SSTR2: variants seen among roughly 807,000 people sequenced by gnomAD.
SSTR2 encodes somatostatin receptor 2, also known as somatostatin receptor type 2.
A neutral mutation model predicts 21.4 loss-of-function variants in SSTR2; 10 were observed. The observed-to-expected ratio is 0.47, with a 90% CI of 0.29 to 0.79. The LOEUF (loss-of-function observed/expected upper bound fraction) is 0.79, where lower values mean the gene tolerates loss of function less well. SSTR2 is among the 30% of genes least tolerant of loss of function. SSTR2 has a pLI of 0.10. For missense variants in SSTR2, 364 were observed against 468.8 expected (o/e 0.78, Z 2.06); for synonymous variants, 177 against 181.3 (o/e 0.98, Z 0.19).
Position 73,170,510 on chromosome 17 carries a change from C to T in SSTR2, c.*81C>T. ...CCCTACCCACACTGGCTTCCTGCCTCCCACCCCTCACACCTGGCTTCTAGA... is the reference window on the plus strand; with the variant it reads ...CCCTACCCACACTGGCTTCCTGCCTTCCACCCCTCACACCTGGCTTCTAGA... On this transcript the variant is annotated 3_prime_UTR_variant, in exon 2 of 2. Transcript: ENST00000357585. 1 of 1,538,878 alleles carries T rather than the reference C, an allele frequency of 6.5e-7. No individual in the cohort carries two copies. Among genetic ancestry groups the T allele is most frequent in the Non-Finnish European group, 8.9e-7 (1 of 1,127,924 alleles).
At chr17:73,167,326 G>A (rs2061219589) in intron 1 of SSTR2, among the ~76,000 whole-genome samples, 1 of 152,204 alleles carries the variant, frequency 6.6e-6, no homozygotes, top group Admixed American at 6.5e-5. Context: ...TTGTGTGGTA[G>A]GGAAATGAGC....
In SSTR2 at chr17:73,166,545, T is replaced by C. The variant is rs2061217134; in HGVS notation, c.-93+1257T>C. 2.0e-5 allele frequency among the ~76,000 whole-genome samples: 3 copies of C among 152,260 alleles called. No homozygotes were observed. In the South Asian group the frequency reaches 6.2e-4, roughly 32 times the overall value. The stretch of plus-strand genomic sequence containing the variant: ...CCAACCACTAGCCATTTCCAGCATC[T>C]AACAATTCTTGGGCTGGAAAAACAA... On this transcript the variant is annotated intron_variant, in intron 1 of 1. Transcript: ENST00000357585.
At chr17:73,165,917 G>T (rs1229440951) in intron 1 of SSTR2, among the ~76,000 whole-genome samples, 2 of 148,536 alleles carry the variant, frequency 1.3e-5, no homozygotes, top group African/African-American at 5.0e-5. Flanking sequence ...ACTGTCTTCT[G>T]CGCCCCGATG....
At position 73,170,099 on chromosome 17, in the gene SSTR2, C is replaced by T. The variant is rs767667270; in HGVS notation, c.780C>T (p.Ile260=). 1.4e-5 allele frequency: 23 copies of T among 1,614,048 alleles called. No individual in the cohort carries two copies. In the East Asian group the frequency reaches 3.8e-4, roughly 27 times the overall value. Residue 260 remains isoleucine, a synonymous_variant, in exon 2 of 2, where the codon ATC becomes ATT. Transcript: ENST00000357585. The part of the protein sequence containing the change: ...SEKKVTRMVS[I]VVAVFIFCWL... ...AGAAGGTCACCCGAATGGTGTCCAT[C>T]GTGGTGGCTGTCTTCATCTTCTGCT... is the stretch of plus-strand genomic sequence containing the variant.
rs1427252790 is a variant in SSTR2 at position 73,175,082 on chromosome 17, A to G, written c.*4653A>G. ...GGAAGATCTGATTAGTGTTTCCAAA[A>G]TGCTTATCATTCTAAGAATCCCAAT... On this transcript the variant is annotated 3_prime_UTR_variant, in exon 2 of 2. Transcript: ENST00000357585. 1 of 152,214 alleles carries G rather than the reference A, an allele frequency of 6.6e-6. No individual in the cohort carries two copies. 9.4% of individuals were successfully genotyped at this position (152,214 alleles called of 1,614,324 possible). A position where few individuals can be genotyped will look rare whatever the true frequency, so the allele number is the denominator to read the frequency against.
In SSTR2 at chr17:73,170,680, G is replaced by A; in HGVS notation, c.*251G>A. 2 of 670,732 alleles carry A rather than the reference G, an allele frequency of 3.0e-6. No individual in the cohort carries two copies. Among genetic ancestry groups the A allele is most frequent in the Non-Finnish European group, 5.6e-6 (2 of 357,136 alleles). The allele number at this position is 670,732 out of a possible 1,614,324, so 41.5% of individuals were successfully genotyped here. Reference sequence around the variant, plus strand: ...TAGACAATTCAAAGTCTGGAGAAGAGGGATCATGCCTGGATATGATCTTTA... The same window carrying A: ...TAGACAATTCAAAGTCTGGAGAAGAAGGATCATGCCTGGATATGATCTTTA... On this transcript the variant is annotated 3_prime_UTR_variant, in exon 2 of 2. Transcript: ENST00000357585.
chr17:73,167,726 G>C (rs916240915), intron 1 of SSTR2, among the ~76,000 whole-genome samples: 1 of 152,046 alleles, frequency 6.6e-6, no homozygotes, highest in African/African-American at 2.4e-5. Context: ...CTCGTGCAAT[G>C]CCCACCCTAT....
Position 73,170,791 on chromosome 17 carries a change from C to T in SSTR2, c.*362C>T, listed in dbSNP as rs2061232731. 1 of 478,734 alleles carries T rather than the reference C, an allele frequency of 2.1e-6. No individual in the cohort carries two copies. The highest frequency in any genetic ancestry group is 1.6e-5 in the South Asian group (1 of 63,860). The allele number at this position is 478,734 out of a possible 1,614,324, so 29.7% of individuals were successfully genotyped here. Reference sequence around the variant, plus strand: ...GTAATCTTGTGTTTTTATATGTATACTTGTATATTCCTATTTATTCTCTGT... The same window carrying T: ...GTAATCTTGTGTTTTTATATGTATATTTGTATATTCCTATTTATTCTCTGT... On this transcript the variant is annotated 3_prime_UTR_variant, in exon 2 of 2. Coordinates refer to ENST00000357585, the MANE Select transcript of SSTR2 (RefSeq NM_001050.3).
chr17:73,165,461 T>C (rs2061213023), intron 1 of SSTR2, among the ~76,000 whole-genome samples, 173 bp downstream of exon 1: 1 of 151,914 alleles, frequency 6.6e-6, no homozygotes, highest in Non-Finnish European at 1.5e-5. Flanking sequence ...CTTGTGCCTT[T>C]TGGGGTGATT....
chr17:73,165,946 C>G, intron 1 of SSTR2, among the ~76,000 whole-genome samples: 1 of 151,424 alleles, frequency 6.6e-6, no homozygotes, highest in East Asian at 1.9e-4. Context: ...CTCAGCGCCC[C>G]CCCCCCACAC....
chr17:73,170,889 T>C lies in SSTR2; in HGVS notation c.*460T>C, dbSNP rs1017767942. 1 of 380,650 alleles carries C rather than the reference T, an allele frequency of 2.6e-6. No homozygotes were observed. Among genetic ancestry groups the C allele is most frequent in the Non-Finnish European group, 5.4e-6 (1 of 186,636 alleles). 23.6% of individuals were successfully genotyped at this position (380,650 alleles called of 1,614,324 possible). On this transcript the variant is annotated 3_prime_UTR_variant, in exon 2 of 2. Coordinates refer to ENST00000357585, the MANE Select transcript of SSTR2 (RefSeq NM_001050.3). ...CGAGTATGCATAGTGTAGATGGACA[T>C]TTGCCACAACACACTGCCCGCAGAA...
rs777532188 is a variant in SSTR2, at chr17:73,170,208, G to C, written c.889G>C (p.Val297Leu). The change falls in exon 2 of 2, where the codon GTG becomes CTG. Residue 297 changes from valine to leucine, a missense_variant. Coordinates refer to ENST00000357585, the MANE Select transcript of SSTR2 (RefSeq NM_001050.3). ...TPALKGMFDF[V>L]VVLTYANSCA... ...AGCCCTTAAAGGCATGTTTGACTTT[G>C]TGGTGGTCCTCACCTATGCTAACAG... 1 of 1,614,140 alleles carries C rather than the reference G, an allele frequency of 6.2e-7. No homozygotes were observed. Among genetic ancestry groups the C allele is most frequent in the Admixed American group, 1.7e-5 (1 of 60,020 alleles).
At position 73,170,480 on chromosome 17, in the gene SSTR2, G is replaced by A; in HGVS notation, c.*51G>A. The A allele has an allele frequency of 6.3e-7, 1 of 1,589,610 alleles. No individual in the cohort carries two copies. Reference sequence around the variant, plus strand: ...AAGCCATGCTCTGTCTACTGGCAATGGGCTCCCTACCCACACTGGCTTCCT... The same window carrying A: ...AAGCCATGCTCTGTCTACTGGCAATAGGCTCCCTACCCACACTGGCTTCCT... On this transcript the variant is annotated 3_prime_UTR_variant, in exon 2 of 2. Coordinates refer to ENST00000357585, the MANE Select transcript of SSTR2 (RefSeq NM_001050.3).
In SSTR2 at chr17:73,170,831, C is replaced by T. The variant is rs1054598679; in HGVS notation, c.*402C>T. The T allele has an allele frequency of 1.6e-5, 7 of 426,424 alleles. No individual in the cohort carries two copies. The highest frequency in any genetic ancestry group is 4.1e-5 in the African/African-American group (2 of 48,438). The allele number at this position is 426,424 out of a possible 1,614,324, so 26.4% of individuals were successfully genotyped here. A position where few individuals can be genotyped will look rare whatever the true frequency, so the allele number is the denominator to read the frequency against. On this transcript the variant is annotated 3_prime_UTR_variant, in exon 2 of 2. Coordinates refer to ENST00000357585, the MANE Select transcript of SSTR2 (RefSeq NM_001050.3). The stretch of plus-strand genomic sequence containing the variant: ...TTATTCTCTGTATAGGCATTACCTA[C>T]GTTCCTGTGTTTACATACACAAGTA...
chr17:73,166,080 T>C (rs563297957), intron 1 of SSTR2, among the ~76,000 whole-genome samples: 1 of 152,252 alleles, frequency 6.6e-6, no homozygotes, highest in South Asian at 2.1e-4. Context: ...ATCAGCGAGT[T>C]GGATGGCCAG....
At chr17:73,167,201 G>C (rs2061219251) in intron 1 of SSTR2, among the ~76,000 whole-genome samples, 1 of 152,198 alleles carries the variant, frequency 6.6e-6, no homozygotes, top group African/African-American at 2.4e-5. Flanking sequence ...TACAGCTTCT[G>C]TTTTAATTGC....
chr17:73,170,549 C>A lies in SSTR2; in HGVS notation c.*120C>A. ...CTGGCTTCTAGAATAGAGGATTGCT[C>A]AGCATGAGTCCAATTCAGAGAACGG... On this transcript the variant is annotated 3_prime_UTR_variant, in exon 2 of 2. Transcript: ENST00000357585. The A allele has an allele frequency of 1.6e-6, 2 of 1,263,526 alleles. No individual in the cohort carries two copies. Among genetic ancestry groups the A allele is most frequent in the Non-Finnish European group, 1.1e-6 (1 of 882,998 alleles). 78.3% of individuals were successfully genotyped at this position (1,263,526 alleles called of 1,614,324 possible).
In SSTR2 at chr17:73,170,765, T is replaced by A. The variant is rs1009166622; in HGVS notation, c.*336T>A. 6.0e-6 allele frequency: 3 copies of A among 502,444 alleles called. No individual in the cohort carries two copies. Among genetic ancestry groups the A allele is most frequent in the African/African-American group, 2.0e-5 (1 of 51,254 alleles). 31.1% of individuals were successfully genotyped at this position (502,444 alleles called of 1,614,324 possible). A position where few individuals can be genotyped will look rare whatever the true frequency, so the allele number is the denominator to read the frequency against. On this transcript the variant is annotated 3_prime_UTR_variant, in exon 2 of 2. Transcript: ENST00000357585. The stretch of plus-strand genomic sequence containing the variant: ...GTGTTTGTGTATTGAAAACTCAATA[T>A]GTAATCTTGTGTTTTTATATGTATA...
Position 73,173,825 on chromosome 17 carries a change from C to T in SSTR2, c.*3396C>T, listed in dbSNP as rs1030031670. 3.3e-5 allele frequency: 5 copies of T among 152,038 alleles called. No homozygotes were observed. The highest frequency in any genetic ancestry group is 4.8e-5 in the African/African-American group (2 of 41,392). The allele number at this position is 152,038 out of a possible 1,614,324, so 9.4% of individuals were successfully genotyped here. On this transcript the variant is annotated 3_prime_UTR_variant, in exon 2 of 2. Transcript: ENST00000357585. ...AGTAACAGAGTTGGGTAATACTGGA[C>T]GTGTAGATGAAGCTTTAGCAGGGCT...
Sources: allele counts gnomAD v4.1 joint callset (sites outside exome capture counted in the v4.1 genomes callset), GRCh38; gene constraint gnomAD v4.1.1; transcripts MANE v1.5; gene names NCBI Gene and HGNC (gene_info 2026-07-23, HGNC 2026-07-21).